SPTA1: variants seen among roughly 807,000 people sequenced by gnomAD.
SPTA1 encodes spectrin alpha chain, erythrocytic 1.
Under a neutral mutation model 324.7 loss-of-function variants are expected in SPTA1, and 177 were observed. The observed-to-expected ratio is 0.55, with a 90% CI of 0.48 to 0.62. The LOEUF (loss-of-function observed/expected upper bound fraction) is 0.62, where lower values mean the gene tolerates loss of function less well. Ranked by LOEUF, SPTA1 falls within the 20% of genes least tolerant of loss-of-function variation. The pLI is 0.00. For missense variants in SPTA1, 3,162 were observed against 2,883.6 expected (o/e 1.10, Z -2.21); for synonymous variants, 1,195 against 1,041.3 (o/e 1.15, Z -2.84).
At chr1:158,658,671 G>A in intron 18 of SPTA1, among the ~76,000 whole-genome samples, 1 of 151,942 alleles carries the variant, frequency 6.6e-6, no homozygotes, top group East Asian at 1.9e-4. Flanking sequence ...AATAAACAAG[G>A]AAAACTCCAT....
chr1:158,683,702 CT>C (rs1654971929), intron 2 of SPTA1, among the ~76,000 whole-genome samples: 12 of 152,018 alleles, frequency 7.9e-5, no homozygotes, highest in African/African-American at 2.9e-4. Flanking sequence ...TATGCCGAGC[CT>C]TATTTTAAAG....
chr1:158,638,170 A>C lies in SPTA1; in HGVS notation c.5052T>G (p.Ile1684Met). 6.2e-7 allele frequency: 1 copy of C among 1,613,920 alleles called. No individual in the cohort carries two copies. The highest frequency in any genetic ancestry group is 2.2e-5 in the East Asian group (1 of 44,876). Reference protein sequence around the residue: ...LSSGTFNVDQIVKKKDNVNKR... With the variant: ...LSSGTFNVDQMVKKKDNVNKR... Reference sequence around the variant, plus strand: ...TGTTGACATTATCTTTTTTCTTCACAATCTGATCAACGTTGAAAGTCCCGC... The same window carrying C: ...TGTTGACATTATCTTTTTTCTTCACCATCTGATCAACGTTGAAAGTCCCGC... The change falls in exon 36 of 52, where the codon ATT becomes ATG. Residue 1684 changes from isoleucine to methionine, a missense_variant. Coordinates refer to ENST00000643759, the MANE Select transcript of SPTA1 (RefSeq NM_003126.4).
intron 16 of SPTA1, among the ~76,000 whole-genome samples, chr1:158,664,723 A>G (rs1331322616): frequency 6.6e-6 from 1 of 152,234 alleles, no homozygotes; most frequent in Admixed American, 6.5e-5. Context: ...ATCCCTCAGT[A>G]GCCAACTGTT....
chr1:158,668,716 T>G (rs1372049752), intron 14 of SPTA1, among the ~76,000 whole-genome samples: 1 of 152,134 alleles, frequency 6.6e-6, no homozygotes, highest in South Asian at 2.1e-4. Flanking sequence ...CATTTTTGAG[T>G]GCAATATATG....
chr1:158,639,602 T>A lies in SPTA1; in HGVS notation c.4960A>T (p.Arg1654Ter). The change falls in exon 35 of 52, where the codon AGA becomes TGA. Residue 1654 changes from arginine to a stop codon, truncating the protein, a stop_gained. Coordinates refer to ENST00000643759, the MANE Select transcript of SPTA1 (RefSeq NM_003126.4). LOFTEE classifies it high-confidence loss of function. ...CTTACCTCTCGAGCCAACATCTCTC[T>A]CTCCAATAGCTGATGCTTCTTGAGT... ...NLLKKHQLLE[R>*]EMLAREDALK... The A allele has an allele frequency of 6.2e-7, 1 of 1,613,890 alleles. No individual in the cohort carries two copies. Among genetic ancestry groups the A allele is most frequent in the Non-Finnish European group, 8.5e-7 (1 of 1,179,890 alleles).
intron 14 of SPTA1, among the ~76,000 whole-genome samples, chr1:158,668,452 A>T (rs1267050721): frequency 6.6e-6 from 1 of 152,224 alleles, no homozygotes; most frequent in African/African-American, 2.4e-5. Flanking sequence ...TAGTGGAGCC[A>T]TAACTCATCT....
chr1:158,672,151 C>G lies in SPTA1; in HGVS notation c.1396G>C (p.Asp466His), dbSNP rs201669174. ...TGCTCATACTGACGATGACGCTCGT[C>G]CCACAGTTCCAGCAGGGCAGTCCAG... ...NNWTALLELW[D>H]ERHRQYEQCL... The change falls in exon 11 of 52, where the codon GAC becomes CAC. Residue 466 changes from aspartate to histidine, a missense_variant. Coordinates refer to ENST00000643759, the MANE Select transcript of SPTA1 (RefSeq NM_003126.4). The G allele has an allele frequency of 8.7e-5, 141 of 1,613,918 alleles. 1 individual carries two copies. Among genetic ancestry groups the G allele is most frequent in the Non-Finnish European group, 1.1e-4 (135 of 1,179,974 alleles).
At chr1:158,656,495 G>T in intron 20 of SPTA1, 69 bp downstream of exon 20, 1 of 1,410,876 alleles carries the variant, frequency 7.1e-7, no homozygotes, top group South Asian at 1.1e-5. Flanking sequence ...TAAAAAATCA[G>T]CAATAAAGAC....
chr1:158,666,835 C>T (rs1653637649), intron 15 of SPTA1, among the ~76,000 whole-genome samples: 1 of 152,106 alleles, frequency 6.6e-6, no homozygotes, highest in Admixed American at 6.5e-5. Flanking sequence ...AAATTCAAAT[C>T]CAAACACTCT....
chr1:158,621,684 A>G (rs959747418), intron 43 of SPTA1, among the ~76,000 whole-genome samples: 1 of 152,188 alleles, frequency 6.6e-6, no homozygotes, highest in Non-Finnish European at 1.5e-5. Context: ...TTTTTCACCT[A>G]AGATTTATTT....
intron 39 of SPTA1, among the ~76,000 whole-genome samples, chr1:158,634,155 A>C (rs1229447869): frequency 6.6e-6 from 1 of 152,234 alleles, no homozygotes; most frequent in Non-Finnish European, 1.5e-5. Context: ...TTGAAACTGC[A>C]GCCAATGTCC....
rs749560378 is a variant in SPTA1, at chr1:158,662,692, C to A, written c.2464+10G>T. 6.2e-7 allele frequency: 1 copy of A among 1,613,658 alleles called. No individual in the cohort carries two copies. The highest frequency in any genetic ancestry group is 8.5e-7 in the Non-Finnish European group (1 of 1,179,936). Reference sequence around the variant, plus strand: ...TTCCTAGTGGCTCAGCCTGCTCAGGCTGTACTAACCAAGGTAGGTGGAAGT... The same window carrying A: ...TTCCTAGTGGCTCAGCCTGCTCAGGATGTACTAACCAAGGTAGGTGGAAGT... On this transcript the variant is annotated intron_variant, in intron 17 of 51. Coordinates refer to ENST00000643759, the MANE Select transcript of SPTA1 (RefSeq NM_003126.4).
chr1:158,615,546 C>G (rs1649504666), intron 47 of SPTA1, 143 bp from the exon 48 acceptor site: 1 of 754,534 alleles, frequency 1.3e-6, no homozygotes, highest in Admixed American at 2.4e-5. Context: ...TTGGGAAAAC[C>G]ACTTCACTTC....
intron 35 of SPTA1, among the ~76,000 whole-genome samples, chr1:158,638,745 C>CAAAAAA (rs34072412): frequency 1.1e-5 from 1 of 92,188 alleles, no homozygotes; most frequent in Non-Finnish European, 2.1e-5. Context: ...GAGCTGGTAC[C>CAAAAAA]AAAAAAAAAA....
rs1440718209 is a variant in SPTA1, at chr1:158,661,290, C to A, written c.2584G>T (p.Glu862Ter). 6.2e-7 allele frequency: 1 copy of A among 1,613,794 alleles called. No homozygotes were observed. The highest frequency in any genetic ancestry group is 8.5e-7 in the Non-Finnish European group (1 of 1,179,870). The change falls in exon 18 of 52, where the codon GAA becomes TAA. Residue 862 changes from glutamate to a stop codon, truncating the protein, a stop_gained. Coordinates refer to ENST00000643759, the MANE Select transcript of SPTA1 (RefSeq NM_003126.4). LOFTEE classifies it high-confidence loss of function. Reference sequence around the variant, plus strand: ...ACTGAATCTCAATCATACATACCTTCCTCTACCATTTTGTTTCCCCTTTCT... The same window carrying A: ...ACTGAATCTCAATCATACATACCTTACTCTACCATTTTGTTTCCCCTTTCT... ...ITERGNKMVE[E>*]GHFAAEDVAS... is the part of the protein sequence containing the mutation.
At chr1:158,635,394 C>T (rs923674496) in intron 38 of SPTA1, among the ~76,000 whole-genome samples, 1 of 151,846 alleles carries the variant, frequency 6.6e-6, no homozygotes, top group African/African-American at 2.4e-5. Flanking sequence ...CCTGAGGCCT[C>T]CCAGTCATGC....
In SPTA1 at chr1:158,626,976, ATC is replaced by A. The variant is rs748100323; in HGVS notation, c.5694_5695del (p.Glu1898AspfsTer10). 6.2e-7 allele frequency: 1 copy of A among 1,613,878 alleles called. No individual in the cohort carries two copies. The highest frequency in any genetic ancestry group is 2.2e-5 in the East Asian group (1 of 44,870). Reference sequence around the variant, plus strand: ...ATTCAGAGCCTCTATCTTGGAAGAAATCTCTTTGTTCTGACTTTCCTCCTGCA... The same window carrying A: ...ATTCAGAGCCTCTATCTTGGAAGAAATCTTTGTTCTGACTTTCCTCCTGCA... On this transcript the variant is annotated frameshift_variant, in exon 41 of 52. Transcript: ENST00000643759. LOFTEE classifies it high-confidence loss of function.
At chr1:158,672,321 GA>G in intron 10 of SPTA1, 125 bp from the exon 11 acceptor site, 1 of 1,008,098 alleles carries the variant, frequency 9.9e-7, no homozygotes, top group Non-Finnish European at 1.5e-6. Context: ...GGGCTTTTAA[GA>G]TTCCAACTTT....
rs754924226 is a variant in SPTA1, at chr1:158,643,422, C to A, written c.4342G>T (p.Gly1448Trp). 1 of 1,613,376 alleles carries A rather than the reference C, an allele frequency of 6.2e-7. No individual in the cohort carries two copies. The highest frequency in any genetic ancestry group is 1.1e-5 in the South Asian group (1 of 91,054). The change falls in exon 31 of 52, where the codon GGG becomes TGG. Residue 1448 changes from glycine to tryptophan, a missense_variant. By Grantham distance (184) the Gly-to-Trp change is radical (BLOSUM62 -2). Transcript: ENST00000643759. ...AAATGTTCTAGGTCAGTGATCTTCC[C>A]TTCCTAAATAAAGGAAAAGGAAAGA... ...DLDKAITAQE[G>W]KITDLEHFAE...
Sources: gnomAD v4.1 joint callset for allele counts (sites outside exome capture counted in the v4.1 genomes callset) on GRCh38, gnomAD v4.1.1 for gene constraint, MANE v1.5 for transcripts, NCBI Gene and HGNC (gene_info 2026-07-23, HGNC 2026-07-21) for gene names.